The following TTC28 variants were observed in gnomAD, a reference collection of about 807,000 sequenced individuals.
TTC28 encodes tetratricopeptide repeat protein 28.
In TTC28, 61 loss-of-function variants were observed where a neutral mutation model predicts 198.0. The observed-to-expected ratio is 0.31, with a 90% CI of 0.25 to 0.38. The LOEUF is 0.38. TTC28 is among the 10% of genes least tolerant of loss of function. The pLI is 1.00. For missense variants in TTC28, 2,678 were observed against 3,164.0 expected (o/e 0.85, Z 3.69); for synonymous variants, 1,171 against 1,297.8 (o/e 0.90, Z 2.10).
At chr22:28,327,916 T>G (rs181204008) in intron 2 of TTC28, among the ~76,000 whole-genome samples, 1 of 152,214 alleles carries the variant, frequency 6.6e-6, no homozygotes, top group Admixed American at 6.5e-5. Context: ...ACTCATTCTT[T>G]AAACAACTAT....
chr22:28,350,203 A>G (rs964213810), intron 2 of TTC28, among the ~76,000 whole-genome samples: 1 of 152,166 alleles, frequency 6.6e-6, no homozygotes, highest in Non-Finnish European at 1.5e-5. Flanking sequence ...TGAAATATTA[A>G]CCACATTCCA....
intron 2 of TTC28, among the ~76,000 whole-genome samples, chr22:28,448,118 T>C (rs897473311): frequency 3.3e-5 from 5 of 152,234 alleles, no homozygotes; most frequent in Admixed American, 3.3e-4. Context: ...CATTATTGTT[T>C]CAAAGATCCA....
chr22:28,570,542 T>C (rs924315973), intron 2 of TTC28, among the ~76,000 whole-genome samples: 5 of 152,126 alleles, frequency 3.3e-5, no homozygotes, highest in Non-Finnish European at 5.9e-5. Context: ...CACTGGGGCC[T>C]GCTTGAGGTT....
intron 2 of TTC28, among the ~76,000 whole-genome samples, chr22:28,504,728 C>A (rs938728334): frequency 5.9e-5 from 9 of 152,196 alleles, no homozygotes; most frequent in East Asian, 5.8e-4. Context: ...TGTCCATTCC[C>A]AGCTCTGAAG....
At chr22:28,203,343 A>G (rs139333664) in intron 5 of TTC28, among the ~76,000 whole-genome samples, 14 of 152,296 alleles carry the variant, frequency 9.2e-5, no homozygotes, top group African/African-American at 3.4e-4. Context: ...CAAATATTCA[A>G]TAAATGTTAA....
intron 12 of TTC28, among the ~76,000 whole-genome samples, chr22:28,040,411 T>G (rs1939576448): frequency 6.6e-6 from 1 of 152,198 alleles, no homozygotes; most frequent in Non-Finnish European, 1.5e-5. Context: ...TCTTCATCCC[T>G]GGGATGCAGG....
intron 12 of TTC28, among the ~76,000 whole-genome samples, chr22:28,050,544 A>G (rs1463790890): frequency 2.0e-5 from 3 of 152,184 alleles, no homozygotes; most frequent in Non-Finnish European, 4.4e-5. Flanking sequence ...GTTATTTAGG[A>G]GCATTTATAC....
rs1194625128 is a variant in TTC28 at position 28,101,176 on chromosome 22, G to A, written c.3412C>T (p.His1138Tyr). The change falls in exon 9 of 23, where the codon CAC becomes TAC. Residue 1138 changes from histidine (H) to tyrosine (Y), a missense_variant. By Grantham distance (83) the His-to-Tyr change is moderately conservative. Transcript: ENST00000397906. The stretch of plus-strand genomic sequence containing the variant: ...CAGTCAGGGGTTCTGCTTACCTGGT[G>A]TTGGGCCTCCTCCAAGTTTCCACTA... ...WASGNLEEAQ[H>Y]QLYRASALFE... 2 of 1,550,074 alleles carry A rather than the reference G, an allele frequency of 1.3e-6. No individual in the cohort carries two copies. Among genetic ancestry groups the A allele is most frequent in the Non-Finnish European group, 1.7e-6 (2 of 1,146,220 alleles).
intron 2 of TTC28, among the ~76,000 whole-genome samples, chr22:28,593,128 T>C (rs759152111): frequency 6.6e-6 from 1 of 152,126 alleles, no homozygotes; most frequent in Non-Finnish European, 1.5e-5. Flanking sequence ...TAGCCCTAAA[T>C]ATATGGCAGA....
At chr22:28,131,134 T>C (rs1943051393) in intron 6 of TTC28, among the ~76,000 whole-genome samples, 1 of 152,232 alleles carries the variant, frequency 6.6e-6, no homozygotes, top group Non-Finnish European at 1.5e-5. Flanking sequence ...GGACGGTGAA[T>C]TTAGAAATCC....
At chr22:28,605,014 C>T (rs543725639) in intron 2 of TTC28, among the ~76,000 whole-genome samples, 171 of 152,256 alleles carry the variant, frequency 1.1e-3, no homozygotes, top group Non-Finnish European at 1.7e-3. Flanking sequence ...ATGTTTATAA[C>T]TTAGTCATTA....
At chr22:28,242,124 T>C (rs1045768846) in intron 5 of TTC28, among the ~76,000 whole-genome samples, 1 of 152,188 alleles carries the variant, frequency 6.6e-6, no homozygotes, top group Non-Finnish European at 1.5e-5. Context: ...ACAGATAGCC[T>C]CTGCTTTTTG....
intron 2 of TTC28, among the ~76,000 whole-genome samples, chr22:28,401,827 GCATAGA>G (rs754812718): frequency 1.6e-4 from 25 of 152,176 alleles, no homozygotes; most frequent in Non-Finnish European, 2.5e-4. Flanking sequence ...TCACAGGAGA[GCATAGA>G]CATAATCAAT....
rs1943829664 is a variant in TTC28, at chr22:28,159,289, C to G, written c.1441+3803G>C. On this transcript the variant is annotated intron_variant, in intron 6 of 22. Coordinates refer to ENST00000397906, the MANE Select transcript of TTC28 (RefSeq NM_001145418.2). ...ATGTGGAGAAAAGGGAACCCTAGCA[C>G]ACTGTTGGTGGGAGTGTAAATTAGT... is the stretch of plus-strand genomic sequence containing the variant. 2.6e-5 allele frequency among the ~76,000 whole-genome samples: 4 copies of G among 152,160 alleles called. No individual in the cohort carries two copies. The South Asian group carries it at 8.3e-4, about 32-fold the overall frequency.
intron 2 of TTC28, among the ~76,000 whole-genome samples, chr22:28,621,091 G>C (rs893089256): frequency 3.9e-5 from 6 of 152,206 alleles, no homozygotes; most frequent in African/African-American, 1.4e-4. Context: ...TAAATGGCTG[G>C]TATCACTGCT....
intron 1 of TTC28, among the ~76,000 whole-genome samples, chr22:28,631,856 G>A (rs139451526): frequency 4.7e-4 from 71 of 152,174 alleles, no homozygotes; most frequent in African/African-American, 1.5e-3. Context: ...TAAAAATTAC[G>A]AACTGTAGAG....
Position 28,251,451 on chromosome 22 carries a change from C to T in TTC28, c.933+44747G>A, listed in dbSNP as rs73427764. Among the ~76,000 whole-genome samples, 287 of 152,222 alleles carry T rather than the reference C, an allele frequency of 1.9e-3. 1 individual carries two copies. Among genetic ancestry groups the T allele is most frequent in the African/African-American group, 6.2e-3 (259 of 41,556 alleles). ...AAAACCTAAAGTATTTATCATCTGG[C>T]CCTTTACAGAAGAAGTTTGCCAACA... On this transcript the variant is annotated intron_variant, in intron 5 of 22. Transcript: ENST00000397906.
chr22:28,476,325 T>C (rs1476402806), intron 2 of TTC28, among the ~76,000 whole-genome samples: 1 of 152,220 alleles, frequency 6.6e-6, no homozygotes, highest in Non-Finnish European at 1.5e-5. Context: ...ATGTATAACG[T>C]TGTGTAATAT....
Position 28,106,952 on chromosome 22 carries a change from C to T in TTC28, c.2783+110G>A, listed in dbSNP as rs747638391. Reference sequence around the variant, plus strand: ...TTGGAGGAATCAGATGAGATATGTACGAAAATGTTTGTAGTTAACAAACTG... The same window carrying T: ...TTGGAGGAATCAGATGAGATATGTATGAAAATGTTTGTAGTTAACAAACTG... On this transcript the variant is annotated intron_variant, in intron 7 of 22. Transcript: ENST00000397906. 74 of 1,365,338 alleles carry T rather than the reference C, an allele frequency of 5.4e-5. 1 individual carries two copies. Among genetic ancestry groups the T allele is most frequent in the African/African-American group, 5.9e-5 (4 of 68,114 alleles). 84.6% of individuals were successfully genotyped at this position (1,365,338 alleles called of 1,614,324 possible).
Sources: gnomAD v4.1 joint callset for allele counts (sites outside exome capture counted in the v4.1 genomes callset) on GRCh38, gnomAD v4.1.1 for gene constraint, MANE v1.5 for transcripts, NCBI Gene and HGNC (gene_info 2026-07-23, HGNC 2026-07-21) for gene names.